The following HEPACAM variants were observed in gnomAD, a reference collection of about 807,000 sequenced individuals.
HEPACAM encodes the protein hepatic and glial cell adhesion molecule.
In HEPACAM, 18 loss-of-function variants were observed where a neutral mutation model predicts 38.3. The observed-to-expected ratio is 0.47, with a 90% CI of 0.33 to 0.70. The LOEUF (loss-of-function observed/expected upper bound fraction) is 0.70. Ranked by LOEUF, HEPACAM falls within the 30% of genes least tolerant of loss-of-function variation. The probability of loss-of-function intolerance (pLI) is 0.03; values close to 1 mark genes in which losing one functional copy is unlikely to be tolerated. For missense variants in HEPACAM, 466 were observed against 563.0 expected, an observed-to-expected ratio of 0.83 and a Z score of 1.74; for synonymous variants, 216 against 243.1, an observed-to-expected ratio of 0.89 and a Z score of 1.04.
chr11:124,919,680 G>C lies in HEPACAM; in HGVS notation c.*1458C>G. On this transcript the variant is annotated 3_prime_UTR_variant, in exon 7 of 7. Transcript: ENST00000298251. ...TGAGACAGGCATGCTGTGGGGTTCA[G>C]GGCAGAGGGGGCAAACTAGAAATGT... 6.4e-7 allele frequency: 1 copy of C among 1,553,158 alleles called. No individual in the cohort carries two copies. The highest frequency in any genetic ancestry group is 8.8e-7 in the Non-Finnish European group (1 of 1,142,660).
At position 124,921,193 on chromosome 11, in the gene HEPACAM, C is replaced by T. The variant is rs1389426643; in HGVS notation, c.1196G>A (p.Gly399Asp). ...GTCTTGCTCGCGGATTATGTGCACG[C>T]CCGCAGTCCGCAGTGTGCGCGAGGC... ...RSASRTLRTAGVHIIREQDEA... is the reference protein window; with the variant it reads ...RSASRTLRTADVHIIREQDEA... Residue 399 changes from glycine to aspartate, a missense_variant, in exon 7 of 7, where the codon GGC (glycine) becomes GAC (aspartate). Physicochemically the swap from Gly to Asp is moderately conservative, Grantham distance 94 (BLOSUM62 -1). Transcript: ENST00000298251. This position sits in a 1 kb window ranked among gnomAD's most constrained non-coding sequence, Gnocchi z 4.6. The T allele has an allele frequency of 2.0e-6, 3 of 1,519,594 alleles. No homozygotes were observed. The highest frequency in any genetic ancestry group is 2.8e-5 in the African/African-American group (2 of 70,270). 94.1% of individuals were successfully genotyped at this position (1,519,594 alleles called of 1,614,324 possible).
At chr11:124,929,481 G>A (rs1947258001) in intron 1 of HEPACAM, among the ~76,000 whole-genome samples, 1 of 152,140 alleles carries the variant, frequency 6.6e-6, no homozygotes, top group Admixed American at 6.5e-5. Context: ...GGGACACAGA[G>A]AACTGGGACA....
Position 124,922,437 on chromosome 11 carries a change from C to A in HEPACAM, c.899G>T (p.Gly300Val). The A allele has an allele frequency of 2.5e-6, 4 of 1,614,178 alleles. No homozygotes were observed. Among genetic ancestry groups the A allele is most frequent in the Non-Finnish European group, 3.4e-6 (4 of 1,180,020 alleles). ...KPEADTLPRS[G>V]EQERKNPMAL... Reference sequence around the variant, plus strand: ...CATGGGGTTCTTCCGTTCCTGCTCACCACTTCGAGGGAGGGTGTCTGCTGC... The same window carrying A: ...CATGGGGTTCTTCCGTTCCTGCTCAACACTTCGAGGGAGGGTGTCTGCTGC... Residue 300 changes from glycine (G) to valine (V), a missense_variant, in exon 6 of 7, where the codon GGT becomes GTT. Physicochemically the swap from Gly to Val is moderately radical, Grantham distance 109. Transcript: ENST00000298251.
Position 124,921,087 on chromosome 11 carries a change from C to T in HEPACAM, c.*51G>A, listed in dbSNP as rs1431596406. ...GGGCTTCCCAGCCCCAGCTTTCCCC[C>T]GGGCCACTGGCCGCAGACCGCGGGC... is the stretch of plus-strand genomic sequence containing the variant. On this transcript the variant is annotated 3_prime_UTR_variant, in exon 7 of 7. Coordinates refer to ENST00000298251, the MANE Select transcript of HEPACAM (RefSeq NM_152722.5). The surrounding 1 kb of genome is among the most constrained non-coding windows in gnomAD (Gnocchi z 4.6). 2 of 1,510,806 alleles carry T rather than the reference C, an allele frequency of 1.3e-6. No individual in the cohort carries two copies. The highest frequency in any genetic ancestry group is 2.6e-5 in the East Asian group (1 of 39,170). 93.6% of individuals were successfully genotyped at this position (1,510,806 alleles called of 1,614,324 possible).
intron 1 of HEPACAM, among the ~76,000 whole-genome samples, 154 bp from the exon 2 acceptor site, chr11:124,925,223 T>TC (rs1403814154): frequency 6.6e-6 from 1 of 152,126 alleles, no homozygotes; most frequent in Non-Finnish European, 1.5e-5. Context: ...TGCTATCTCC[T>TC]CCCCCACAGT....
intron 4 of HEPACAM, 106 bp from the exon 5 acceptor site, chr11:124,922,924 C>T: frequency 1.8e-6 from 2 of 1,136,450 alleles, no homozygotes; most frequent in Non-Finnish European, 2.7e-6. Flanking sequence ...GGCCTTGTGA[C>T]AGGAAGATGG....
intron 1 of HEPACAM, among the ~76,000 whole-genome samples, chr11:124,928,779 C>T (rs1346702959): frequency 2.0e-5 from 3 of 152,154 alleles, no homozygotes; most frequent in Non-Finnish European, 2.9e-5. Flanking sequence ...CCCATCTTTC[C>T]GGACCGAACC....
intron 1 of HEPACAM, among the ~76,000 whole-genome samples, chr11:124,934,732 T>C (rs1947321675): frequency 6.6e-6 from 1 of 152,126 alleles, no homozygotes; most frequent in African/African-American, 2.4e-5. Flanking sequence ...TATTTTGTTA[T>C]AGGAGCCCTA....
At position 124,921,195 on chromosome 11, in the gene HEPACAM, C is replaced by T; in HGVS notation, c.1194G>A (p.Ala398=). The part of the protein sequence containing the change: ...SRSASRTLRT[A]GVHIIREQDE... ...CTTGCTCGCGGATTATGTGCACGCC[C>T]GCAGTCCGCAGTGTGCGCGAGGCGC... The change falls in exon 7 of 7, where the codon GCG becomes GCA. Residue 398 remains alanine (A), a synonymous_variant. Coordinates refer to ENST00000298251, the MANE Select transcript of HEPACAM (RefSeq NM_152722.5). This position sits in a 1 kb window ranked among gnomAD's most constrained non-coding sequence, Gnocchi z 4.6. 2.0e-6 allele frequency: 3 copies of T among 1,515,944 alleles called. No individual in the cohort carries two copies. The highest frequency in any genetic ancestry group is 2.6e-6 in the Non-Finnish European group (3 of 1,139,114). 93.9% of individuals were successfully genotyped at this position (1,515,944 alleles called of 1,614,324 possible).
chr11:124,928,806 A>G (rs976489870), intron 1 of HEPACAM, among the ~76,000 whole-genome samples: 1 of 152,174 alleles, frequency 6.6e-6, no homozygotes, highest in African/African-American at 2.4e-5. Context: ...CATCTTACAT[A>G]TGTTGATTGA....
chr11:124,923,138 GAAAAA>G (rs1210095865), intron 4 of HEPACAM, among the ~76,000 whole-genome samples, 197 bp downstream of exon 4: 1 of 152,160 alleles, frequency 6.6e-6, no homozygotes, highest in Non-Finnish European at 1.5e-5. Flanking sequence ...GTTGGCCAGT[GAAAAA>G]ACCTATTGTT....
chr11:124,931,224 C>T (rs1947277752), intron 1 of HEPACAM, among the ~76,000 whole-genome samples: 1 of 151,938 alleles, frequency 6.6e-6, no homozygotes, highest in African/African-American at 2.4e-5. Flanking sequence ...TCTTTTTTTT[C>T]AGTGACAAGG....
At chr11:124,923,648 C>G (rs769045251) in intron 3 of HEPACAM, 81 bp downstream of exon 3, 370 of 1,554,884 alleles carry the variant, frequency 2.4e-4, no homozygotes, top group Non-Finnish European at 3.1e-4. Flanking sequence ...AGTGACATTT[C>G]TTTGGGATGT....
Position 124,920,312 on chromosome 11 carries a change from CA to C in HEPACAM, c.*825del, listed in dbSNP as rs1261527998. 1 of 1,348,472 alleles carries C rather than the reference CA, an allele frequency of 7.4e-7. No homozygotes were observed. The highest frequency in any genetic ancestry group is 1.5e-5 in the African/African-American group (1 of 68,450). The allele number at this position is 1,348,472 out of a possible 1,614,324, so 83.5% of individuals were successfully genotyped here. ...TCCTCATTTGGTCTAGTTTTCGGGC[CA>C]GGGGAGTAAGTGAAATTCACTTCTC... is the stretch of plus-strand genomic sequence containing the variant. On this transcript the variant is annotated 3_prime_UTR_variant, in exon 7 of 7. Coordinates refer to ENST00000298251, the MANE Select transcript of HEPACAM (RefSeq NM_152722.5).
chr11:124,920,185 C>G lies in HEPACAM; in HGVS notation c.*953G>C. 1.1e-6 allele frequency: 1 copy of G among 897,336 alleles called. No individual in the cohort carries two copies. Among genetic ancestry groups the G allele is most frequent in the South Asian group, 1.8e-5 (1 of 56,310 alleles). The allele number at this position is 897,336 out of a possible 1,614,324, so 55.6% of individuals were successfully genotyped here. A position where few individuals can be genotyped will look rare whatever the true frequency, so the allele number is the denominator to read the frequency against. On this transcript the variant is annotated 3_prime_UTR_variant, in exon 7 of 7. Coordinates refer to ENST00000298251, the MANE Select transcript of HEPACAM (RefSeq NM_152722.5). ...TGGAGATTAGGACTTATTCTCACAG[C>G]TGGAGGAAGCTCAACAACTTTCCTG...
chr11:124,932,644 G>A (rs1195053601), intron 1 of HEPACAM, among the ~76,000 whole-genome samples: 1 of 152,100 alleles, frequency 6.6e-6, no homozygotes, highest in Non-Finnish European at 1.5e-5. Context: ...CTCCCCTTGA[G>A]TGCCAATCCT....
Position 124,935,912 on chromosome 11 carries a change from G to T in HEPACAM, c.85+10C>A. 1 of 1,612,840 alleles carries T rather than the reference G, an allele frequency of 6.2e-7. No homozygotes were observed. The highest frequency in any genetic ancestry group is 8.5e-7 in the Non-Finnish European group (1 of 1,178,958). On this transcript the variant is annotated intron_variant, in intron 1 of 6. Coordinates refer to ENST00000298251, the MANE Select transcript of HEPACAM (RefSeq NM_152722.5). ...TTCTTCAGACCCTTTCTTACCCTCT[G>T]GCCTCCTACCTGTCTGGATCAGAAG...
rs1947123934 is a variant in HEPACAM at position 124,920,952 on chromosome 11, A to T, written c.*186T>A. ...AATGCGACCCGGTTTCACCATATCAACACTGCCGCCTCCGCGCACCCGCCT... is the reference window on the plus strand; with the variant it reads ...AATGCGACCCGGTTTCACCATATCATCACTGCCGCCTCCGCGCACCCGCCT... On this transcript the variant is annotated 3_prime_UTR_variant, in exon 7 of 7. Transcript: ENST00000298251. 2.2e-6 allele frequency: 3 copies of T among 1,367,916 alleles called. No homozygotes were observed. The highest frequency in any genetic ancestry group is 2.8e-6 in the Non-Finnish European group (3 of 1,064,412). The allele number at this position is 1,367,916 out of a possible 1,614,324, so 84.7% of individuals were successfully genotyped here.
chr11:124,927,522 TG>T (rs149942843), intron 1 of HEPACAM, among the ~76,000 whole-genome samples: 10,853 of 110,956 alleles, frequency 0.098, 1,356 homozygotes, highest in East Asian at 0.47. Context: ...TTTTTTTTTT[TG>T]TTTTTTTTTT....
Sources: gnomAD v4.1 joint callset for allele counts (sites outside exome capture counted in the v4.1 genomes callset) on GRCh38, gnomAD v4.1.1 for gene constraint, Gnocchi (gnomAD v3.1) non-coding constraint, MANE v1.5 for transcripts, NCBI Gene and HGNC (gene_info 2026-07-23, HGNC 2026-07-21) for gene names.